Variants in NELL2 observed in about 807,000 individuals in gnomAD.
NELL2 encodes the protein protein kinase C-binding protein NELL2.
A neutral mutation model predicts 109.6 loss-of-function variants in NELL2; 41 were observed. The ratio of observed to expected loss-of-function variants is 0.37; its 90% CI spans 0.29 to 0.49. The LOEUF (loss-of-function observed/expected upper bound fraction) is 0.49. Ranked by LOEUF, NELL2 falls within the 20% of genes least tolerant of loss-of-function variation. The pLI, the probability that NELL2 is intolerant of heterozygous loss-of-function variation, is 0.98. For synonymous variants in NELL2, 355 were observed against 344.7 expected, an observed-to-expected ratio of 1.03 and a Z score of -0.33; for missense variants, 900 against 1,008.3, an observed-to-expected ratio of 0.89 and a Z score of 1.45.
At chr12:44,637,602 G>C (rs1946689795) in intron 13 of NELL2, among the ~76,000 whole-genome samples, 1 of 146,550 alleles carries the variant, frequency 6.8e-6, no homozygotes, top group African/African-American at 2.5e-5. Context: ...GCAAGAACAA[G>C]AGAAAAAATT....
rs142543077 is a variant in NELL2, at chr12:44,804,971, C to G, written c.335+11015G>C. Among the ~76,000 whole-genome samples the G allele has an allele frequency of 4.4e-3, 666 of 151,926 alleles. 8 individuals carry two copies. The highest frequency in any genetic ancestry group is 0.013 in the African/African-American group (544 of 41,510). On this transcript the variant is annotated intron_variant, in intron 3 of 19. Coordinates refer to ENST00000429094, the MANE Select transcript of NELL2 (RefSeq NM_001145108.2). Reference sequence around the variant, plus strand: ...ATCCATTTTTCTAGTAATACGTCAACTTAAACATCTTTTACAATTAGAAAA... The same window carrying G: ...ATCCATTTTTCTAGTAATACGTCAAGTTAAACATCTTTTACAATTAGAAAA...
At chr12:44,867,071 A>C (rs772798253) in intron 2 of NELL2, among the ~76,000 whole-genome samples, 6 of 152,182 alleles carry the variant, frequency 3.9e-5, no homozygotes, top group Non-Finnish European at 7.4e-5. Context: ...AATAACCAAT[A>C]CCAATCCTTC....
Position 44,588,328 on chromosome 12 carries a change from C to G in NELL2, c.1663+18841G>C, listed in dbSNP as rs11182546. 1.1e-3 allele frequency among the ~76,000 whole-genome samples: 175 copies of G among 152,264 alleles called. 2 individuals carry two copies. In the East Asian group the frequency reaches 0.029, roughly 25 times the overall value. ...AAAGCCACAGCCTTGTGCCTCCTCT[C>G]TGAGGCAGCCTGAGCCATCAGGAAC... is the stretch of plus-strand genomic sequence containing the variant. On this transcript the variant is annotated intron_variant, in intron 15 of 19. Transcript: ENST00000429094.
chr12:44,632,748 A>C (rs368127548), intron 13 of NELL2, among the ~76,000 whole-genome samples: 1 of 152,124 alleles, frequency 6.6e-6, no homozygotes, highest in Admixed American at 6.6e-5. Flanking sequence ...ACCTTTGTAC[A>C]TTCTTCTTTT....
intron 1 of NELL2, among the ~76,000 whole-genome samples, chr12:44,912,310 C>T (rs440398): frequency 0.024 from 3,691 of 152,128 alleles, 161 homozygotes; most frequent in African/African-American, 0.084. Context: ...GCATATTCCA[C>T]AGACTACTAG....
At chr12:44,905,620 G>C (rs916691347) in intron 1 of NELL2, among the ~76,000 whole-genome samples, 1 of 151,932 alleles carries the variant, frequency 6.6e-6, no homozygotes, top group East Asian at 1.9e-4. Context: ...AAGCACTGAG[G>C]GATCCTTAAT....
intron 1 of NELL2, among the ~76,000 whole-genome samples, chr12:44,898,169 C>T (rs889164575): frequency 6.6e-6 from 1 of 152,166 alleles, no homozygotes; most frequent in Non-Finnish European, 1.5e-5. Context: ...GAAGGGGTGG[C>T]TGTGGGCGCA....
chr12:44,574,071 A>G (rs113473770), intron 15 of NELL2, among the ~76,000 whole-genome samples: 1 of 148,412 alleles, frequency 6.7e-6, no homozygotes, highest in Non-Finnish European at 1.5e-5. Context: ...TTTTATTTTT[A>G]TTTTTTTTTT....
intron 2 of NELL2, among the ~76,000 whole-genome samples, chr12:44,826,135 G>C (rs1474288276): frequency 6.6e-6 from 1 of 152,136 alleles, no homozygotes. Context: ...AAAGAAATAG[G>C]TAAGCATCAT....
At chr12:44,774,482 C>T (rs1729044652) in intron 9 of NELL2, 1 of 354,362 alleles carries the variant, frequency 2.8e-6, no homozygotes, top group Non-Finnish European at 5.2e-6. Flanking sequence ...AAATAACTTC[C>T]AGTAAGTTTC....
chr12:44,692,563 T>G (rs1419475545), intron 12 of NELL2, among the ~76,000 whole-genome samples: 1 of 152,158 alleles, frequency 6.6e-6, no homozygotes, highest in Non-Finnish European at 1.5e-5. Context: ...GTGATTTCTC[T>G]CAAGAATCTG....
At chr12:44,863,021 G>T (rs887966752) in intron 2 of NELL2, among the ~76,000 whole-genome samples, 1 of 152,106 alleles carries the variant, frequency 6.6e-6, no homozygotes, top group African/African-American at 2.4e-5. Context: ...GTATACACGT[G>T]CCATGGTGGT....
intron 15 of NELL2, among the ~76,000 whole-genome samples, chr12:44,552,583 G>T (rs1219944251): frequency 2.0e-5 from 3 of 151,908 alleles, no homozygotes; most frequent in Non-Finnish European, 4.4e-5. Flanking sequence ...GTTTTAGGGG[G>T]AAAAGAAAGA....
At chr12:44,575,715 TC>T (rs1944048869) in intron 15 of NELL2, among the ~76,000 whole-genome samples, 1 of 152,236 alleles carries the variant, frequency 6.6e-6, no homozygotes, top group African/African-American at 2.4e-5. Context: ...CAGCTACAGT[TC>T]AATACATTTT....
intron 1 of NELL2, among the ~76,000 whole-genome samples, chr12:44,909,742 G>GACACACACACACAC (rs71435995): frequency 3.3e-4 from 47 of 144,530 alleles, no homozygotes; most frequent in African/African-American, 7.3e-4. Context: ...CACAGACACA[G>GACACACACACACAC]ACACACACAC....
chr12:44,853,079 C>T (rs751757486), intron 2 of NELL2, among the ~76,000 whole-genome samples: 1 of 152,042 alleles, frequency 6.6e-6, no homozygotes, highest in Non-Finnish European at 1.5e-5. Context: ...TCCCATGCTC[C>T]AAATCAAGTT....
At chr12:44,857,298 C>T (rs1299871843) in intron 2 of NELL2, among the ~76,000 whole-genome samples, 4 of 152,228 alleles carry the variant, frequency 2.6e-5, no homozygotes, top group Middle Eastern at 3.4e-3. Context: ...AATCATGTAA[C>T]GACTACAGTT....
At chr12:44,657,084 G>T (rs1295255320) in intron 13 of NELL2, among the ~76,000 whole-genome samples, 1 of 152,164 alleles carries the variant, frequency 6.6e-6, no homozygotes, top group Non-Finnish European at 1.5e-5. Flanking sequence ...TGCTTTAGTT[G>T]CTCAGCAGCA....
At chr12:44,898,111 G>A (rs913112968) in intron 1 of NELL2, among the ~76,000 whole-genome samples, 1 of 152,176 alleles carries the variant, frequency 6.6e-6, no homozygotes, top group African/African-American at 2.4e-5. Flanking sequence ...GCTCTAGTCA[G>A]GGGCTTATAG....
Sources: allele counts gnomAD v4.1 joint callset (sites outside exome capture counted in the v4.1 genomes callset), GRCh38; gene constraint gnomAD v4.1.1; transcripts MANE v1.5; gene names NCBI Gene and HGNC (gene_info 2026-07-23, HGNC 2026-07-21).